KIAA1958: variants seen among roughly 807,000 people sequenced by gnomAD.
KIAA1958 encodes uncharacterized protein KIAA1958.
In KIAA1958, 14 loss-of-function variants were observed where a neutral mutation model predicts 47.2. The ratio of observed to expected loss-of-function variants is 0.30; its 90% confidence interval spans 0.20 to 0.46. The LOEUF is 0.46. Among genes scored for constraint, KIAA1958 ranks in the 20% least tolerant of loss-of-function variants. KIAA1958 has a pLI of 1.00. For missense variants in KIAA1958, 803 were observed against 909.2 expected, an observed-to-expected ratio of 0.88 and a Z score of 1.50; for synonymous variants, 354 against 353.3, an observed-to-expected ratio of 1.00 and a Z score of -0.02.
In KIAA1958 at chr9:112,582,052, C is replaced by T. The variant is rs140249038; in HGVS notation, c.1171+6801C>T. The T allele has an allele frequency of 2.0e-3, 427 of 215,512 alleles. 7 individuals are homozygous for T. Among genetic ancestry groups the T allele is most frequent in the African/African-American group, 9.2e-3 (398 of 43,384 alleles). The allele number at this position is 215,512 out of a possible 1,614,324, so 13.3% of individuals were successfully genotyped here. On this transcript the variant is annotated intron_variant, in intron 2 of 3. Coordinates refer to ENST00000337530, the MANE Select transcript of KIAA1958 (RefSeq NM_133465.4). ...CATTAGGGAAGCTTCACCGCTTCAG[C>T]GCTGGGAAGGCATAGGCACTGGTTT...
At chr9:112,575,881 C>T (rs141328835) in intron 2 of KIAA1958, among the ~76,000 whole-genome samples, 60 of 152,254 alleles carry the variant, frequency 3.9e-4, no homozygotes, top group African/African-American at 1.4e-3. Context: ...GAGGCCCCTG[C>T]ACCTGTAATT....
chr9:112,596,177 A>T (rs558925163), intron 2 of KIAA1958, among the ~76,000 whole-genome samples: 12 of 152,304 alleles, frequency 7.9e-5, no homozygotes, highest in East Asian at 7.7e-4. Flanking sequence ...GAATTTTTTT[A>T]AAATAACTCA....
At chr9:112,530,051 G>GCCAGGATGGTCTCGATCT (rs2132809913) in intron 1 of KIAA1958, among the ~76,000 whole-genome samples, 1 of 152,222 alleles carries the variant, frequency 6.6e-6, no homozygotes, top group African/African-American at 2.4e-5. Context: ...CACCGTGTTA[G>GCCAGGATGGTCTCGATCT]CCAGGATGGT....
intron 2 of KIAA1958, among the ~76,000 whole-genome samples, chr9:112,603,880 A>G (rs1471864041): frequency 6.6e-6 from 1 of 152,184 alleles, no homozygotes; most frequent in Non-Finnish European, 1.5e-5. Flanking sequence ...ATACATTCTT[A>G]TTTAATAAGC....
At chr9:112,537,358 C>G (rs764136370) in intron 1 of KIAA1958, among the ~76,000 whole-genome samples, 1 of 152,134 alleles carries the variant, frequency 6.6e-6, no homozygotes, top group Non-Finnish European at 1.5e-5. Context: ...CCGCCTGCCT[C>G]CCAAAGTGCT....
intron 1 of KIAA1958, among the ~76,000 whole-genome samples, chr9:112,518,014 G>A (rs1164597808): frequency 6.6e-6 from 1 of 152,158 alleles, no homozygotes; most frequent in Non-Finnish European, 1.5e-5. Context: ...CTTTCAAAAA[G>A]TTAAAAACAT....
intron 1 of KIAA1958, among the ~76,000 whole-genome samples, chr9:112,500,625 A>T (rs571101430): frequency 6.6e-6 from 1 of 152,168 alleles, no homozygotes; most frequent in African/African-American, 2.4e-5. Context: ...CCTGTTAATC[A>T]TCAAATAGAT....
intron 2 of KIAA1958, among the ~76,000 whole-genome samples, chr9:112,632,301 AAGG>A (rs1468792123): frequency 6.6e-6 from 1 of 152,070 alleles, no homozygotes; most frequent in African/African-American, 2.4e-5. Context: ...TAGCATGTAG[AAGG>A]GTAACACAAT....
intron 2 of KIAA1958, among the ~76,000 whole-genome samples, chr9:112,604,939 T>C (rs1202217741): frequency 6.8e-6 from 1 of 147,594 alleles, no homozygotes; most frequent in African/African-American, 2.4e-5. Context: ...TTTTATGTAA[T>C]ATATATTTTA....
intron 1 of KIAA1958, among the ~76,000 whole-genome samples, chr9:112,516,142 C>T (rs908432390): frequency 5.9e-5 from 9 of 151,926 alleles, no homozygotes; most frequent in African/African-American, 2.2e-4. Context: ...ACTAATTAAT[C>T]AATTTTGGAA....
chr9:112,578,689 T>A (rs2131178643), intron 2 of KIAA1958, among the ~76,000 whole-genome samples: 2 of 152,266 alleles, frequency 1.3e-5, no homozygotes, highest in Middle Eastern at 6.8e-3. Context: ...AATTTTCATG[T>A]CAATCCTGCC....
At chr9:112,537,045 A>G (rs992474836) in intron 1 of KIAA1958, among the ~76,000 whole-genome samples, 3 of 152,016 alleles carry the variant, frequency 2.0e-5, no homozygotes, top group Admixed American at 6.6e-5. Flanking sequence ...AAGAAGACAC[A>G]AAGTGGGACA....
intron 1 of KIAA1958, among the ~76,000 whole-genome samples, chr9:112,564,613 A>G (rs1033892545): frequency 2.6e-5 from 4 of 152,130 alleles, no homozygotes; most frequent in Non-Finnish European, 5.9e-5. Context: ...AAGTATTTTC[A>G]TGGACCTTTG....
At chr9:112,594,643 GGTT>G (rs1239207054) in intron 2 of KIAA1958, among the ~76,000 whole-genome samples, 1 of 152,108 alleles carries the variant, frequency 6.6e-6, no homozygotes, top group Admixed American at 6.5e-5. Flanking sequence ...TGGGTATTTG[GGTT>G]GTTTTCACAT....
chr9:112,640,906 C>G (rs1249255301), intron 2 of KIAA1958, among the ~76,000 whole-genome samples: 3 of 152,086 alleles, frequency 2.0e-5, no homozygotes, highest in African/African-American at 7.2e-5. Flanking sequence ...TTAACCAGTT[C>G]TACCTTTTGC....
chr9:112,592,384 A>G (rs1310992093), intron 2 of KIAA1958, among the ~76,000 whole-genome samples: 1 of 152,210 alleles, frequency 6.6e-6, no homozygotes, highest in Non-Finnish European at 1.5e-5. Flanking sequence ...AAGAAGCAGT[A>G]TAGCAGTTAA....
chr9:112,505,757 A>G (rs550093296), intron 1 of KIAA1958, among the ~76,000 whole-genome samples: 16 of 152,328 alleles, frequency 1.1e-4, no homozygotes, highest in Middle Eastern at 3.4e-3. Flanking sequence ...TGGTCAGGTG[A>G]TGAAAGGTGG....
intron 1 of KIAA1958, among the ~76,000 whole-genome samples, chr9:112,523,870 A>G (rs1464974151): frequency 6.6e-6 from 1 of 152,200 alleles, no homozygotes; most frequent in Non-Finnish European, 1.5e-5. Flanking sequence ...CTTTGGGGCC[A>G]TAGTTTCCCA....
intron 2 of KIAA1958, among the ~76,000 whole-genome samples, chr9:112,631,400 C>T (rs1217978466): frequency 6.6e-6 from 1 of 151,814 alleles, no homozygotes; most frequent in African/African-American, 2.4e-5. Flanking sequence ...GTGGTGCGCA[C>T]CTGTGGTCCC....
Sources: gnomAD v4.1 joint callset for allele counts (sites outside exome capture counted in the v4.1 genomes callset) on GRCh38, gnomAD v4.1.1 for gene constraint, MANE v1.5 for transcripts, NCBI Gene and HGNC (gene_info 2026-07-23, HGNC 2026-07-21) for gene names.